WWP1: variants seen among roughly 807,000 people sequenced by gnomAD.
WWP1 encodes the protein NEDD4-like E3 ubiquitin-protein ligase WWP1.
WWP1 carries 49 observed loss-of-function variants against 130.6 expected under a neutral mutation model. The ratio of observed to expected loss-of-function variants is 0.38; its 90% CI spans 0.30 to 0.48. WWP1 has a LOEUF of 0.48. Among genes scored for constraint, WWP1 ranks in the 20% least tolerant of loss-of-function variants. WWP1 has a pLI of 0.99. For synonymous variants in WWP1, 332 were observed against 367.8 expected, an observed-to-expected ratio of 0.90 and a Z score of 1.11; for missense variants, 809 against 1,100.6, an observed-to-expected ratio of 0.74 and a Z score of 3.75.
chr8:86,399,562 G>T (rs2130492981), intron 7 of WWP1, among the ~76,000 whole-genome samples: 1 of 152,264 alleles, frequency 6.6e-6, no homozygotes, highest in Non-Finnish European at 1.5e-5. Flanking sequence ...CTTCTAAGTT[G>T]CCGTTAAGTG....
In WWP1 at chr8:86,359,594, A is replaced by C. The variant is rs781052732; in HGVS notation, c.-114-9345A>C. ...TTCTTTCCAGACATTTTCAAAGATA[A>C]GCATTCTTTTCTCTTCCAAATCTCA... On this transcript the variant is annotated intron_variant, in intron 1 of 24. Coordinates refer to ENST00000517970, the MANE Select transcript of WWP1 (RefSeq NM_007013.4). Among the ~76,000 whole-genome samples the C allele has an allele frequency of 2.6e-5, 4 of 152,086 alleles. No individual in the cohort carries two copies. The East Asian group carries it at 7.7e-4, about 29-fold the overall frequency.
intron 9 of WWP1, among the ~76,000 whole-genome samples, chr8:86,418,310 T>C (rs1809002615): frequency 6.6e-6 from 1 of 152,204 alleles, no homozygotes; most frequent in African/African-American, 2.4e-5. Flanking sequence ...CCCTTAATTC[T>C]TTTGAATGGT....
In WWP1 at chr8:86,468,442, A is replaced by C. The variant is rs180772562; in HGVS notation, c.*1549A>C. The C allele has an allele frequency of 7.6e-3, 3,334 of 438,896 alleles. 110 individuals carry two copies. Among genetic ancestry groups the C allele is most frequent in the South Asian group, 0.041 (2,439 of 60,188 alleles). 27.2% of individuals were successfully genotyped at this position (438,896 alleles called of 1,614,324 possible). A position where few individuals can be genotyped will look rare whatever the true frequency, so the allele number is the denominator to read the frequency against. ...TTCAAGCCTAAAGAATTAAAAAAAA[A>C]ATTCTAATGTATGTGACAGGTTATG... is the stretch of plus-strand genomic sequence containing the variant. On this transcript the variant is annotated 3_prime_UTR_variant, in exon 25 of 25. Transcript: ENST00000517970.
chr8:86,398,381 A>T lies in WWP1; in HGVS notation c.374A>T (p.Asn125Ile). The part of the protein sequence containing the change: ...VKEQLKLSLE[N>I]KNGIAQTGEL... ...GAACAATTAAAACTTTCCTTGGAAA[A>T]CAAGAATGGCATAGCACAAACTGGT... Residue 125 changes from asparagine (N) to isoleucine (I), a missense_variant, in exon 6 of 25, where the codon AAC becomes ATC. By Grantham distance (149) the Asn-to-Ile change is moderately radical. Transcript: ENST00000517970. 6.2e-7 allele frequency: 1 copy of T among 1,606,164 alleles called. No individual in the cohort carries two copies. Among genetic ancestry groups the T allele is most frequent in the East Asian group, 2.2e-5 (1 of 44,648 alleles).
At chr8:86,448,625 C>A in intron 20 of WWP1, 112 bp downstream of exon 20, 1 of 1,001,266 alleles carries the variant, frequency 1.0e-6, no homozygotes, top group Non-Finnish European at 1.4e-6. Flanking sequence ...TTCTTCTCAC[C>A]AGTACCAATG....
At chr8:86,457,199 A>G (rs919531827) in intron 21 of WWP1, among the ~76,000 whole-genome samples, 16 of 151,978 alleles carry the variant, frequency 1.1e-4, no homozygotes, top group South Asian at 4.1e-4. Flanking sequence ...CTATACCTAA[A>G]ATAATGTTCA....
chr8:86,446,220 G>C (rs1443152389), intron 18 of WWP1, among the ~76,000 whole-genome samples: 1 of 152,082 alleles, frequency 6.6e-6, no homozygotes, highest in African/African-American at 2.4e-5. Context: ...AACCTCAGGT[G>C]ATCCGCCAAC....
intron 1 of WWP1, among the ~76,000 whole-genome samples, chr8:86,362,033 C>T (rs1823652131): frequency 7.4e-6 from 1 of 135,886 alleles, no homozygotes; most frequent in Non-Finnish European, 1.5e-5. Context: ...TATATATACA[C>T]ACACATATAT....
intron 17 of WWP1, among the ~76,000 whole-genome samples, chr8:86,439,070 G>A (rs1348568277): frequency 1.3e-5 from 2 of 151,984 alleles, no homozygotes; most frequent in African/African-American, 2.4e-5. Context: ...AAGGCTGGAC[G>A]TGGTGGCTTA....
At chr8:86,388,078 C>G (rs565160038) in intron 5 of WWP1, among the ~76,000 whole-genome samples, 1 of 151,498 alleles carries the variant, frequency 6.6e-6, no homozygotes, top group South Asian at 2.1e-4. Flanking sequence ...AATAGCCATA[C>G]ATGGCCGCTG....
intron 2 of WWP1, among the ~76,000 whole-genome samples, chr8:86,373,506 T>C (rs1326918518): frequency 6.6e-6 from 1 of 152,112 alleles, no homozygotes; most frequent in Non-Finnish European, 1.5e-5. Flanking sequence ...TGAATTTTAT[T>C]TTGTCTTGTC....
At position 86,368,725 on chromosome 8, in the gene WWP1, A is replaced by G. The variant is rs547969233; in HGVS notation, c.-114-214A>G. On this transcript the variant is annotated intron_variant, in intron 1 of 24. Coordinates refer to ENST00000517970, the MANE Select transcript of WWP1 (RefSeq NM_007013.4). The stretch of plus-strand genomic sequence containing the variant: ...ATGTTCCATTGTCCACTATGCAAGC[A>G]GTTCTCTGGATGTGCCGTTCTTTCT... Among the ~76,000 whole-genome samples, 13 of 152,244 alleles carry G rather than the reference A, an allele frequency of 8.5e-5. No individual in the cohort carries two copies. In the South Asian group the frequency reaches 1.7e-3, roughly 19 times the overall value.
intron 5 of WWP1, among the ~76,000 whole-genome samples, chr8:86,395,555 C>T (rs1375595722): frequency 2.0e-5 from 3 of 152,038 alleles, no homozygotes; most frequent in Non-Finnish European, 4.4e-5. Context: ...AGGGTTAAAC[C>T]CTGACTAGCC....
intron 4 of WWP1, among the ~76,000 whole-genome samples, chr8:86,381,196 G>A (rs1197467714): frequency 6.6e-6 from 1 of 152,150 alleles, no homozygotes; most frequent in East Asian, 1.9e-4. Flanking sequence ...TATCATGTAA[G>A]TCTTTAGACA....
rs570354599 is a variant in WWP1 at position 86,461,431 on chromosome 8, T to C, written c.2596+111T>C. 1.1e-3 allele frequency: 979 copies of C among 931,328 alleles called. 1 individual carries two copies. Among genetic ancestry groups the C allele is most frequent in the Non-Finnish European group, 1.2e-3 (709 of 602,614 alleles). 57.7% of individuals were successfully genotyped at this position (931,328 alleles called of 1,614,324 possible). On this transcript the variant is annotated intron_variant, in intron 23 of 24. Coordinates refer to ENST00000517970, the MANE Select transcript of WWP1 (RefSeq NM_007013.4). ...AAAGATTACTCTTCTGTGCTGTAGGTAGGGCTTCATTTAGAAGAAAGAAAA... is the reference window on the plus strand; with the variant it reads ...AAAGATTACTCTTCTGTGCTGTAGGCAGGGCTTCATTTAGAAGAAAGAAAA...
At chr8:86,350,179 G>A (rs1439662976) in intron 1 of WWP1, among the ~76,000 whole-genome samples, 1 of 152,118 alleles carries the variant, frequency 6.6e-6, no homozygotes, top group Non-Finnish European at 1.5e-5. Context: ...CCAAGAACAG[G>A]TAGATTCATT....
At chr8:86,448,595 C>T in intron 20 of WWP1, 82 bp downstream of exon 20, 3 of 1,317,026 alleles carry the variant, frequency 2.3e-6, no homozygotes, top group Non-Finnish European at 3.0e-6. Flanking sequence ...ATTTCATCCC[C>T]TTTTCATGCC....
At chr8:86,406,458 A>G (rs1252282199) in intron 8 of WWP1, among the ~76,000 whole-genome samples, 1 of 152,202 alleles carries the variant, frequency 6.6e-6, no homozygotes, top group African/African-American at 2.4e-5. Context: ...CAAGTTTATT[A>G]TATTTTTTTC....
chr8:86,431,814 C>T (rs1586445705), intron 14 of WWP1, 71 bp downstream of exon 14: 10 of 1,580,340 alleles, frequency 6.3e-6, no homozygotes, highest in Admixed American at 1.8e-5. Flanking sequence ...TCTAATTTAT[C>T]CTCAAGTTTA....
Sources: gnomAD v4.1 joint callset for allele counts (sites outside exome capture counted in the v4.1 genomes callset) on GRCh38, gnomAD v4.1.1 for gene constraint, MANE v1.5 for transcripts, NCBI Gene and HGNC (gene_info 2026-07-23, HGNC 2026-07-21) for gene names.